The following PCDHGA2 variants were observed in gnomAD, a reference collection of about 807,000 sequenced individuals.
PCDHGA2 encodes protocadherin gamma-A2.
PCDHGA2 carries 40 observed loss-of-function variants against 59.2 expected under a neutral mutation model. The observed-to-expected ratio is 0.68, with a 90% CI of 0.52 to 0.88. PCDHGA2 has a LOEUF of 0.88. Among genes scored for constraint, PCDHGA2 ranks in the 40% least tolerant of loss-of-function variants. PCDHGA2 has a pLI of 0.00. For synonymous variants in PCDHGA2, 560 were observed against 526.0 expected (o/e 1.06, Z -0.89); for missense variants, 1,226 against 1,204.0 (o/e 1.02, Z -0.27).
At position 141,432,872 on chromosome 5, in the gene PCDHGA2, C is replaced by T; in HGVS notation, c.2425-61935C>T. On this transcript the variant is annotated intron_variant, in intron 1 of 3. Transcript: ENST00000394576. This position sits in a 1 kb window ranked among gnomAD's most constrained non-coding sequence, Gnocchi z 6.0. ...GGTGGCCGCGGTCTCCTGCGTCTTC[C>T]TGGCCTTCGTCATCTTGCTGCTGGC... is the stretch of plus-strand genomic sequence containing the variant. 1.9e-6 allele frequency: 3 copies of T among 1,614,192 alleles called. No homozygotes were observed. Among genetic ancestry groups the T allele is most frequent in the Non-Finnish European group, 2.5e-6 (3 of 1,180,018 alleles).
chr5:141,402,610 G>A (rs900326336), intron 1 of PCDHGA2, among the ~76,000 whole-genome samples: 1 of 152,168 alleles, frequency 6.6e-6, no homozygotes, highest in Admixed American at 6.5e-5. Context: ...AAATACAAAT[G>A]CAAGAAACAA....
chr5:141,503,598 CAAA>C (rs765754054), intron 2 of PCDHGA2, among the ~76,000 whole-genome samples: 9 of 65,742 alleles, frequency 1.4e-4, no homozygotes, highest in Admixed American at 3.4e-4. Context: ...GACTCCAGCT[CAAA>C]AAAAAAAAAA....
At chr5:141,492,163 C>T (rs921256341) in intron 1 of PCDHGA2, among the ~76,000 whole-genome samples, 22 of 152,232 alleles carry the variant, frequency 1.4e-4, no homozygotes, top group African/African-American at 5.3e-4. Context: ...CCTCCCTATC[C>T]CCGCATCACC....
At position 141,355,234 on chromosome 5, in the gene PCDHGA2, C is replaced by G. The variant is rs764381792; in HGVS notation, c.2424+13839C>G. 1 of 1,612,190 alleles carries G rather than the reference C, an allele frequency of 6.2e-7. No homozygotes were observed. The highest frequency in any genetic ancestry group is 8.5e-7 in the Non-Finnish European group (1 of 1,179,258). ...GCCTCCTGCTCGCCCAGACCACACC[C>G]GGCTGCTCCAGATCTGCCTTCTCCT... On this transcript the variant is annotated intron_variant, in intron 1 of 3. Coordinates refer to ENST00000394576, the MANE Select transcript of PCDHGA2 (RefSeq NM_018915.4).
intron 1 of PCDHGA2, among the ~76,000 whole-genome samples, chr5:141,482,498 T>G (rs1226516612): frequency 1.5e-5 from 2 of 135,390 alleles, no homozygotes; most frequent in African/African-American, 3.0e-5. Context: ...GTTATCATTC[T>G]GGTACCCAGA....
intron 1 of PCDHGA2, chr5:141,357,466 G>A (rs1760618081): frequency 2.5e-6 from 4 of 1,614,180 alleles, no homozygotes; most frequent in Non-Finnish European, 3.4e-6. Context: ...CTATTCCCAC[G>A]AGGTCTCCCT....
In PCDHGA2 at chr5:141,361,166, C is replaced by T. The variant is rs1471893315; in HGVS notation, c.2424+19771C>T. 3 of 1,613,940 alleles carry T rather than the reference C, an allele frequency of 1.9e-6. No homozygotes were observed. The Admixed American group carries it at 5.0e-5, about 27-fold the overall frequency. On this transcript the variant is annotated intron_variant, in intron 1 of 3. Coordinates refer to ENST00000394576, the MANE Select transcript of PCDHGA2 (RefSeq NM_018915.4). ...GAAATTCTTGATGACAACGATTGTG[C>T]ACCTGAAGTTATTGTGACTTCAGTA...
At chr5:141,347,089 TCCTTCCTTCCTC>T (rs1757864201) in intron 1 of PCDHGA2, among the ~76,000 whole-genome samples, 1 of 145,754 alleles carries the variant, frequency 6.9e-6, no homozygotes, top group Admixed American at 6.7e-5. Flanking sequence ...CTTTCCTCCT[TCCTTCCTTCCTC>T]TCTCTCTTTC....
At chr5:141,467,167 C>T (rs2099138606) in intron 1 of PCDHGA2, among the ~76,000 whole-genome samples, 1 of 151,832 alleles carries the variant, frequency 6.6e-6, no homozygotes, top group Non-Finnish European at 1.5e-5. Context: ...ATTCTCATCT[C>T]TCAGCCTCCC....
intron 1 of PCDHGA2, chr5:141,345,442 C>T (rs756507522): frequency 1.2e-6 from 2 of 1,614,134 alleles, no homozygotes; most frequent in South Asian, 1.1e-5. Flanking sequence ...AGAGGAGCCT[C>T]CATCTTCTCA....
At chr5:141,394,753 A>G (rs2093084981) in intron 1 of PCDHGA2, 1 of 1,613,278 alleles carries the variant, frequency 6.2e-7, no homozygotes, top group Admixed American at 1.7e-5. Context: ...GTGGCCGTCC[A>G]GGACCATGGC....
intron 1 of PCDHGA2, chr5:141,418,230 A>T (rs745395585): frequency 6.2e-7 from 1 of 1,614,058 alleles, no homozygotes; most frequent in Non-Finnish European, 8.5e-7. Context: ...GTGGTGATTG[A>T]GGATGTTAAT....
intron 1 of PCDHGA2, chr5:141,361,499 C>G: frequency 6.2e-7 from 1 of 1,614,066 alleles, no homozygotes; most frequent in Non-Finnish European, 8.5e-7. Flanking sequence ...TTCCAACAGA[C>G]TTCCTACATG....
At chr5:141,365,866 T>C (rs1335120625) in intron 1 of PCDHGA2, 1 of 1,614,068 alleles carries the variant, frequency 6.2e-7, no homozygotes, top group South Asian at 1.1e-5. Flanking sequence ...CTGACACCGG[T>C]GTCCTGTATG....
At chr5:141,449,266 G>T (rs1398403120) in intron 1 of PCDHGA2, among the ~76,000 whole-genome samples, 1 of 152,042 alleles carries the variant, frequency 6.6e-6, no homozygotes, top group Non-Finnish European at 1.5e-5. Context: ...ACAAAGAACT[G>T]TATCTCCTTC....
chr5:141,394,427 G>A (rs748527281), intron 1 of PCDHGA2: 23 of 1,614,228 alleles, frequency 1.4e-5, no homozygotes, highest in Non-Finnish European at 1.6e-5. Flanking sequence ...GCGACAGCGG[G>A]GACCCGCCCC....
chr5:141,364,565 C>G, intron 1 of PCDHGA2: 1 of 1,614,114 alleles, frequency 6.2e-7, no homozygotes. Context: ...TGCCCTGAAC[C>G]CGCGAAGCGG....
chr5:141,482,103 A>C (rs34394498), intron 1 of PCDHGA2, among the ~76,000 whole-genome samples: 2 of 142,250 alleles, frequency 1.4e-5, no homozygotes, highest in Non-Finnish European at 3.0e-5. Flanking sequence ...AAAAAAAAAA[A>C]AATATCTAGA....
Position 141,431,103 on chromosome 5 carries a change from A to C in PCDHGA2, c.2425-63704A>C, listed in dbSNP as rs769542343. On this transcript the variant is annotated intron_variant, in intron 1 of 3. Coordinates refer to ENST00000394576, the MANE Select transcript of PCDHGA2 (RefSeq NM_018915.4). This position sits in a 1 kb window ranked among gnomAD's most constrained non-coding sequence, Gnocchi z 4.8. ...GACATTCTGATGGAGGATAAAGTGA[A>C]AATATATGGAGTAGAAGTAGAAGTA... 6.2e-7 allele frequency: 1 copy of C among 1,614,246 alleles called. No individual in the cohort carries two copies.
Sources: gnomAD v4.1 joint callset for allele counts (sites outside exome capture counted in the v4.1 genomes callset) on GRCh38, gnomAD v4.1.1 for gene constraint, Gnocchi (gnomAD v3.1) non-coding constraint, MANE v1.5 for transcripts, NCBI Gene and HGNC (gene_info 2026-07-23, HGNC 2026-07-21) for gene names.